Variants in TMC7 observed in about 807,000 individuals in gnomAD.
TMC7 encodes transmembrane channel-like protein 7.
Under a neutral mutation model 82.9 loss-of-function variants are expected in TMC7, and 54 were observed. The observed-to-expected ratio is 0.65, with a 90% CI of 0.52 to 0.82. The LOEUF (loss-of-function observed/expected upper bound fraction) is 0.82, where lower values mean the gene tolerates loss of function less well. Ranked by LOEUF, TMC7 falls within the 40% of genes least tolerant of loss-of-function variation. TMC7 has a pLI of 0.00. For missense variants in TMC7, 820 were observed against 901.2 expected (o/e 0.91, Z 1.15); for synonymous variants, 350 against 337.9 (o/e 1.04, Z -0.39).
At chr16:18,989,453 G>A (rs1267489470) in intron 1 of TMC7, among the ~76,000 whole-genome samples, 9 of 151,488 alleles carry the variant, frequency 5.9e-5, no homozygotes, top group Non-Finnish European at 1.0e-4. Flanking sequence ...GATAAAAGGC[G>A]GAAATAACTT....
At chr16:19,020,422 C>G (rs1959909866) in intron 3 of TMC7, among the ~76,000 whole-genome samples, 2 of 151,872 alleles carry the variant, frequency 1.3e-5, no homozygotes, top group African/African-American at 4.8e-5. Context: ...CAATGATATG[C>G]ATGTAGATAA....
chr16:19,046,705 C>G (rs924109062), intron 11 of TMC7, among the ~76,000 whole-genome samples: 19 of 151,834 alleles, frequency 1.3e-4, no homozygotes, highest in Admixed American at 4.6e-4. Context: ...GCCAAGCATG[C>G]ACATGTAGTC....
intron 14 of TMC7, 92 bp downstream of exon 14, chr16:19,056,789 A>C (rs1961795625): frequency 1.4e-6 from 2 of 1,399,084 alleles, no homozygotes; most frequent in African/African-American, 2.9e-5. Flanking sequence ...TAGACTTGAC[A>C]AGTTACTGAG....
At chr16:19,000,418 G>A (rs2039122040) in intron 1 of TMC7, among the ~76,000 whole-genome samples, 1 of 152,088 alleles carries the variant, frequency 6.6e-6, no homozygotes, top group African/African-American at 2.4e-5. Flanking sequence ...AGTGAGCTGA[G>A]ATTGCGCCAC....
At position 18,984,863 on chromosome 16, in the gene TMC7, T is replaced by C. The variant is rs114296083; in HGVS notation, c.67+733T>C. Among the ~76,000 whole-genome samples, 625 of 152,296 alleles carry C rather than the reference T, an allele frequency of 4.1e-3. 7 individuals are homozygous for C. Among genetic ancestry groups the C allele is most frequent in the African/African-American group, 0.014 (592 of 41,564 alleles). On this transcript the variant is annotated intron_variant, in intron 1 of 15. Coordinates refer to ENST00000304381, the MANE Select transcript of TMC7 (RefSeq NM_024847.4). ...CACTCAGGCAGGGTTCCTTGTAGCA[T>C]TTGGAGCTTACGAATCTTGTCCTGA... is the stretch of plus-strand genomic sequence containing the variant.
intron 7 of TMC7, 75 bp from the exon 8 acceptor site, chr16:19,037,799 G>T: frequency 6.8e-7 from 1 of 1,470,016 alleles, no homozygotes; most frequent in Non-Finnish European, 9.3e-7. Flanking sequence ...GATGGGGAGA[G>T]AATGATGAAT....
chr16:19,002,603 G>A (rs1017273437), intron 1 of TMC7, among the ~76,000 whole-genome samples: 1 of 152,106 alleles, frequency 6.6e-6, no homozygotes, highest in African/African-American at 2.4e-5. Context: ...TCCTTAACCT[G>A]GAAGAATAGT....
intron 3 of TMC7, among the ~76,000 whole-genome samples, 154 bp from the exon 4 acceptor site, chr16:19,021,474 CG>C (rs1176417212): frequency 1.3e-5 from 2 of 152,114 alleles, no homozygotes; most frequent in African/African-American, 2.4e-5. Flanking sequence ...ACTAGAAGAT[CG>C]AGTCTTAAAG....
At chr16:19,034,153 AT>A (rs1443128265) in intron 6 of TMC7, among the ~76,000 whole-genome samples, 5 of 152,238 alleles carry the variant, frequency 3.3e-5, no homozygotes, top group Non-Finnish European at 7.3e-5. Flanking sequence ...CATCAGTTGC[AT>A]GTTAACCAAA....
At chr16:18,999,416 C>G (rs150277040) in intron 1 of TMC7, among the ~76,000 whole-genome samples, 2 of 152,212 alleles carry the variant, frequency 1.3e-5, no homozygotes, top group Admixed American at 1.3e-4. Flanking sequence ...CCACCATGCC[C>G]GCACCCCTGA....
intron 3 of TMC7, among the ~76,000 whole-genome samples, chr16:19,019,487 T>C (rs754259875): frequency 6.6e-6 from 1 of 152,244 alleles, no homozygotes; most frequent in African/African-American, 2.4e-5. Flanking sequence ...ACATTTACTA[T>C]AAACCAGGCA....
chr16:19,001,833 A>T (rs1197746692), intron 1 of TMC7, among the ~76,000 whole-genome samples: 1 of 152,224 alleles, frequency 6.6e-6, no homozygotes, highest in African/African-American at 2.4e-5. Context: ...CCCAACCTCC[A>T]GTCTGGAGTC....
Position 19,037,927 on chromosome 16 carries a change from A to G in TMC7, c.1059A>G (p.Glu353=). The G allele has an allele frequency of 6.2e-7, 1 of 1,613,954 alleles. No individual in the cohort carries two copies. The highest frequency in any genetic ancestry group is 8.5e-7 in the Non-Finnish European group (1 of 1,179,980). The change falls in exon 8 of 16, where the codon GAA becomes GAG. Residue 353 remains glutamate (E), a synonymous_variant. Coordinates refer to ENST00000304381, the MANE Select transcript of TMC7 (RefSeq NM_024847.4). ...MRQKIAERTS[E]ETIRIYSLRL... ...AGAAAATAGCAGAAAGGACCTCAGA[A>G]GAAACAATACGCATTTACTCTTTGA... is the stretch of plus-strand genomic sequence containing the variant.
chr16:19,043,854 G>A (rs1961135126), intron 9 of TMC7, among the ~76,000 whole-genome samples: 1 of 152,068 alleles, frequency 6.6e-6, no homozygotes, highest in Non-Finnish European at 1.5e-5. Flanking sequence ...TTACAGGCGT[G>A]AGCCACCGCG....
intron 2 of TMC7, among the ~76,000 whole-genome samples, chr16:19,013,552 C>CT (rs1202126132): frequency 1.3e-5 from 2 of 151,558 alleles, no homozygotes; most frequent in Admixed American, 1.3e-4. Flanking sequence ...GAATCTCACT[C>CT]TGTCACCCAG....
intron 15 of TMC7, among the ~76,000 whole-genome samples, chr16:19,061,119 T>G (rs913163666): frequency 6.6e-6 from 1 of 151,540 alleles, no homozygotes; most frequent in African/African-American, 2.4e-5. Flanking sequence ...TTCTCCTGCC[T>G]CAGCATCCCA....
intron 1 of TMC7, among the ~76,000 whole-genome samples, chr16:19,004,450 C>T (rs990988689): frequency 5.9e-5 from 9 of 151,918 alleles, no homozygotes; most frequent in South Asian, 2.1e-4. Flanking sequence ...CTGCAACCTC[C>T]GCCTCCTGGC....
intron 11 of TMC7, 31 bp downstream of exon 11, chr16:19,045,469 C>G: frequency 6.8e-7 from 1 of 1,463,898 alleles, no homozygotes; most frequent in African/African-American, 1.4e-5. Context: ...TATTATCCCC[C>G]CCACCACACA....
At chr16:18,993,591 C>T (rs191278616) in intron 1 of TMC7, among the ~76,000 whole-genome samples, 1 of 152,292 alleles carries the variant, frequency 6.6e-6, no homozygotes, top group Non-Finnish European at 1.5e-5. Context: ...AAGTGTTGCC[C>T]TGAGTGATGG....
Sources: allele counts gnomAD v4.1 joint callset (sites outside exome capture counted in the v4.1 genomes callset), GRCh38; gene constraint gnomAD v4.1.1; transcripts MANE v1.5; gene names NCBI Gene and HGNC (gene_info 2026-07-23, HGNC 2026-07-21).